The following KIAA1210 variants were observed in gnomAD, a reference collection of about 807,000 sequenced individuals.
KIAA1210 encodes KIAA1210, also known as acrosomal protein KIAA1210.
In KIAA1210, 48 loss-of-function variants were observed where a neutral mutation model predicts 78.9. That is an observed-to-expected ratio of 0.61 (90% confidence interval 0.48 to 0.77). The LOEUF is 0.77. Ranked by LOEUF, KIAA1210 falls within the 30% of genes least tolerant of loss-of-function variation. The pLI is 0.00. For synonymous variants in KIAA1210, 406 were observed against 404.5 expected, an observed-to-expected ratio of 1.00 and a Z score of -0.04; for missense variants, 1,108 against 1,100.0, an observed-to-expected ratio of 1.01 and a Z score of -0.10.
At chrX:119,090,581 T>C (rs953412057) in intron 8 of KIAA1210, among the ~76,000 whole-genome samples, 1 of 110,300 alleles carries the variant, frequency 9.1e-6, no homozygotes, top group Non-Finnish European at 1.9e-5. Context: ...TGTTGCTTTT[T>C]TTTTTTTAAG....
At chrX:119,147,524 G>A in exon 2 of KIAA1210, 4 of 1,210,783 alleles carry the variant, frequency 3.3e-6, no homozygotes, top group Non-Finnish European at 4.5e-6. Flanking sequence ...ATGATGTGAG[G>A]GGCCCACTAT....
Position 119,116,481 on chromosome X carries a change from C to G in KIAA1210, c.230+15G>C. 8.3e-7 allele frequency: 1 copy of G among 1,207,034 alleles called. No homozygotes were observed. The highest frequency in any genetic ancestry group is 1.1e-6 in the Non-Finnish European group (1 of 892,952). On this transcript the variant is annotated intron_variant, in intron 3 of 11. Transcript: ENST00000691062. Reference sequence around the variant, plus strand: ...TTCCCCTGTCCCCATCACTCTCCACCGCATCTGAGCTCACCTGGCCTTAGT... The same window carrying G: ...TTCCCCTGTCCCCATCACTCTCCACGGCATCTGAGCTCACCTGGCCTTAGT...
intron 2 of KIAA1210, among the ~76,000 whole-genome samples, chrX:119,137,829 G>T (rs955242787): frequency 5.4e-5 from 6 of 112,105 alleles, no homozygotes; most frequent in Non-Finnish European, 1.1e-4. Flanking sequence ...GAGTCTGCAG[G>T]CCCCAAGAGT....
intron 3 of KIAA1210, among the ~76,000 whole-genome samples, chrX:119,111,785 C>T (rs1928081716): frequency 9.0e-6 from 1 of 110,996 alleles, no homozygotes; most frequent in Non-Finnish European, 1.9e-5. Context: ...GGATTAAAGG[C>T]CTAAATATGA....
chrX:119,084,550 T>C (rs1927072745), intron 10 of KIAA1210, among the ~76,000 whole-genome samples: 1 of 111,317 alleles, frequency 9.0e-6, no homozygotes, highest in Admixed American at 9.6e-5. Context: ...TGATTACCTT[T>C]AGGTATTTTT....
At chrX:119,127,073 CAAA>C (rs5903547) in intron 1 of KIAA1210, among the ~76,000 whole-genome samples, 986 of 92,582 alleles carry the variant, frequency 0.011, 16 homozygotes, top group African/African-American at 0.037. Flanking sequence ...GAACCTGTCT[CAAA>C]AAAAAAAAAA....
intron 2 of KIAA1210, among the ~76,000 whole-genome samples, chrX:119,136,632 G>A (rs1183237525): frequency 9.0e-6 from 1 of 111,518 alleles, no homozygotes; most frequent in Non-Finnish European, 1.9e-5. Context: ...TTCAAGAGCA[G>A]CCTGGGCAAC....
chrX:119,124,794 C>T (rs567434062), intron 1 of KIAA1210, among the ~76,000 whole-genome samples: 12 of 109,597 alleles, frequency 1.1e-4, no homozygotes, highest in South Asian at 7.9e-4. Context: ...GAGGCTGAGG[C>T]GGGAGGATCA....
At chrX:119,120,142 C>T (rs1928411172) in intron 2 of KIAA1210, among the ~76,000 whole-genome samples, 1 of 111,448 alleles carries the variant, frequency 9.0e-6, no homozygotes, top group African/African-American at 3.3e-5. Context: ...GTACTCTCCC[C>T]TGGGCAAGGA....
At chrX:119,106,339 C>T (rs930942851) in intron 5 of KIAA1210, among the ~76,000 whole-genome samples, 8 of 112,444 alleles carry the variant, frequency 7.1e-5, no homozygotes, top group African/African-American at 2.3e-4. Context: ...TTGTGGGCTC[C>T]ATTTTACGGA....
At chrX:119,138,208 G>GTTTT (rs1556005011) in intron 2 of KIAA1210, among the ~76,000 whole-genome samples, 1 of 67,493 alleles carries the variant, frequency 1.5e-5, no homozygotes, top group African/African-American at 6.1e-5. Flanking sequence ...GTTTGGTTTG[G>GTTTT]TTGTTTTTTT....
intron 7 of KIAA1210, 145 bp from the exon 8 acceptor site, chrX:119,093,920 G>C: frequency 1.1e-6 from 1 of 904,186 alleles, no homozygotes; most frequent in East Asian, 3.1e-5. Flanking sequence ...TATTTCAATG[G>C]AGATATTTCC....
intron 11 of KIAA1210, among the ~76,000 whole-genome samples, chrX:119,082,092 G>A (rs1926985116): frequency 9.0e-6 from 1 of 111,650 alleles, no homozygotes. Context: ...TCAACCAGTG[G>A]TTCTCAATCC....
chrX:119,123,412 C>T (rs750972225), intron 2 of KIAA1210, among the ~76,000 whole-genome samples, 170 bp downstream of exon 2: 1 of 112,168 alleles, frequency 8.9e-6, no homozygotes, highest in Non-Finnish European at 1.9e-5. Context: ...AAATCTTTGA[C>T]TATCAGAGTT....
chrX:119,082,442 CT>C (rs1196483344), intron 11 of KIAA1210, among the ~76,000 whole-genome samples: 1 of 112,071 alleles, frequency 8.9e-6, no homozygotes, highest in Non-Finnish European at 1.9e-5. Context: ...CCTGCTCCTG[CT>C]GAAAAAATTC....
upstream of KIAA1210, among the ~76,000 whole-genome samples, chrX:119,129,070 T>C (rs930665800): frequency 8.9e-6 from 1 of 112,176 alleles, no homozygotes; most frequent in African/African-American, 3.2e-5. Flanking sequence ...TCAACTAGAA[T>C]GTAAATTCCA....
At position 119,145,485 on chromosome X, in the gene KIAA1210, T is replaced by G. The variant is rs550604132; in HGVS notation, c.410+1988A>C. On this transcript the variant is annotated intron_variant, in intron 2 of 13. Transcript: ENST00000402510. ...TCCAGTTGAGGGTCAAGGTAAGTAC[T>G]ATACATGCATTTGAAGTAATAGCAT... 9.0e-5 allele frequency among the ~76,000 whole-genome samples: 10 copies of G among 110,700 alleles called. No homozygotes were observed. The South Asian group carries it at 2.3e-3, about 26-fold the overall frequency.
At position 119,080,482 on chromosome X, in the gene KIAA1210, CT is replaced by C. The variant is rs1255919328; in HGVS notation, c.*846del. 1 of 111,833 alleles carries C rather than the reference CT, an allele frequency of 8.9e-6. No homozygotes were observed. The highest frequency in any genetic ancestry group is 1.9e-5 in the Non-Finnish European group (1 of 53,144). 9.2% of individuals were successfully genotyped at this position (111,833 alleles called of 1,213,427 possible). A position where few individuals can be genotyped will look rare whatever the true frequency, so the allele number is the denominator to read the frequency against. ...ACTTCCACCGCCTCTTTTAGGATCC[CT>C]TGCAAAGCTTAGAGCAACAACCAAA... On this transcript the variant is annotated 3_prime_UTR_variant, in exon 12 of 12. Coordinates refer to ENST00000691062, the MANE Select transcript of KIAA1210 (RefSeq NM_001394962.1).
chrX:119,136,721 C>T (rs761754829), intron 2 of KIAA1210, among the ~76,000 whole-genome samples: 1 of 111,976 alleles, frequency 8.9e-6, no homozygotes, highest in African/African-American at 3.2e-5. Context: ...AAAGAAATAA[C>T]GCCTCCAAGA....
Sources: allele counts gnomAD v4.1 joint callset (sites outside exome capture counted in the v4.1 genomes callset), GRCh38; gene constraint gnomAD v4.1.1; transcripts MANE v1.5; gene names NCBI Gene and HGNC (gene_info 2026-07-23, HGNC 2026-07-21).